The following MMS22L variants were observed in gnomAD, a reference collection of about 807,000 sequenced individuals.
MMS22L encodes the protein MMS22 like, DNA repair protein.
A neutral mutation model predicts 159.1 loss-of-function variants in MMS22L; 74 were observed. The ratio of observed to expected loss-of-function variants is 0.47; its 90% confidence interval spans 0.39 to 0.56. The LOEUF is 0.56. Ranked by LOEUF, MMS22L falls within the 20% of genes least tolerant of loss-of-function variation. The pLI, the probability that MMS22L is intolerant of heterozygous loss-of-function variation, is 0.00. For synonymous variants in MMS22L, 517 were observed against 506.9 expected (o/e 1.02, Z -0.27); for missense variants, 1,351 against 1,422.1 (o/e 0.95, Z 0.80).
chr6:97,185,615 AATCT>A lies in MMS22L; in HGVS notation c.2233+878_2233+881del, dbSNP rs565876656. On this transcript the variant is annotated intron_variant, in intron 15 of 24. Transcript: ENST00000683635. Reference sequence around the variant, plus strand: ...AATTGTTGTCCTGTCACAATTCTTTAATCTATCATCGTAAAGTCCTAATTATAGA... The same window carrying A: ...AATTGTTGTCCTGTCACAATTCTTTAATCATCGTAAAGTCCTAATTATAGA... 9.9e-5 allele frequency among the ~76,000 whole-genome samples: 15 copies of A among 152,244 alleles called. No homozygotes were observed. In the South Asian group the frequency reaches 2.7e-3, roughly 27 times the overall value.
intron 18 of MMS22L, among the ~76,000 whole-genome samples, chr6:97,176,689 T>C (rs943280442): frequency 6.6e-6 from 1 of 152,144 alleles, no homozygotes; most frequent in African/African-American, 2.4e-5. Context: ...ACTAAGGAAC[T>C]TCCCTGGCAG....
intron 10 of MMS22L, among the ~76,000 whole-genome samples, chr6:97,253,268 CATGGAT>C (rs1562509121): frequency 6.6e-6 from 1 of 152,072 alleles, no homozygotes; most frequent in Admixed American, 6.6e-5. Flanking sequence ...CCTCAGATTC[CATGGAT>C]GACTTCTCAA....
chr6:97,146,081 C>A lies in MMS22L; in HGVS notation c.*725G>T, dbSNP rs1417926974. 6.7e-6 allele frequency: 1 copy of A among 150,234 alleles called. No individual in the cohort carries two copies. Among genetic ancestry groups the A allele is most frequent in the Non-Finnish European group, 1.5e-5 (1 of 67,470 alleles). The allele number at this position is 150,234 out of a possible 1,614,324, so 9.3% of individuals were successfully genotyped here. A position where few individuals can be genotyped will look rare whatever the true frequency, so the allele number is the denominator to read the frequency against. On this transcript the variant is annotated 3_prime_UTR_variant, in exon 25 of 25. Coordinates refer to ENST00000683635, the MANE Select transcript of MMS22L (RefSeq NM_001350599.2). ...TCTCCTCTTAAAGTCTCCTTTATTT[C>A]CTCCTCCTGATATGATTTTTTTTTT...
At chr6:97,221,428 T>C (rs1173989319) in intron 14 of MMS22L, among the ~76,000 whole-genome samples, 1 of 152,048 alleles carries the variant, frequency 6.6e-6, no homozygotes, top group Admixed American at 6.6e-5. Context: ...ATATATTGAG[T>C]AGTTTATATT....
Position 97,272,996 on chromosome 6 carries a change from T to C in MMS22L, c.407A>G (p.Tyr136Cys). ...CTACCTGAAGATGAAAACTTTAACA[T>C]AATGGAGAAATAGTACACACTGCTG... ...IRQQCVLFLH[Y>C]VKVFIFRYLK... The change falls in exon 5 of 25, where the codon TAT becomes TGT. Residue 136 changes from tyrosine to cysteine, a missense_variant. By Grantham distance (194) the Tyr-to-Cys change is radical. Coordinates refer to ENST00000683635, the MANE Select transcript of MMS22L (RefSeq NM_001350599.2). 1 of 1,612,914 alleles carries C rather than the reference T, an allele frequency of 6.2e-7. No individual in the cohort carries two copies. The highest frequency in any genetic ancestry group is 8.5e-7 in the Non-Finnish European group (1 of 1,179,740).
upstream of MMS22L, chr6:97,283,632 A>T (rs977470458): frequency 6.6e-6 from 1 of 152,232 alleles, no homozygotes; most frequent in African/African-American, 2.4e-5. Flanking sequence ...TTTTCTCTGT[A>T]ACAGATGGAA....
intron 15 of MMS22L, among the ~76,000 whole-genome samples, chr6:97,183,735 T>C (rs570555172): frequency 6.6e-6 from 1 of 152,268 alleles, no homozygotes; most frequent in Admixed American, 6.5e-5. Flanking sequence ...TGCCTTCTCT[T>C]CTGCTACTAG....
chr6:97,245,496 T>A (rs1812521809), intron 11 of MMS22L, among the ~76,000 whole-genome samples: 1 of 152,048 alleles, frequency 6.6e-6, no homozygotes. Flanking sequence ...TTTTAGTAAT[T>A]CCCTTCATTC....
At chr6:97,210,514 T>C (rs1449029826) in intron 14 of MMS22L, among the ~76,000 whole-genome samples, 2 of 151,944 alleles carry the variant, frequency 1.3e-5, no homozygotes, top group Non-Finnish European at 2.9e-5. Context: ...TGAGAATAAA[T>C]ACATCTGTCC....
intron 9 of MMS22L, among the ~76,000 whole-genome samples, chr6:97,256,697 T>C (rs924664557): frequency 2.0e-5 from 3 of 152,184 alleles, no homozygotes; most frequent in African/African-American, 7.2e-5. Flanking sequence ...ACACCTGTAA[T>C]CATAACACTT....
chr6:97,168,116 T>C lies in MMS22L; in HGVS notation c.2964A>G (p.Ala988=). The change falls in exon 20 of 25, where the codon GCA becomes GCG. Residue 988 remains alanine (A), a synonymous_variant. Coordinates refer to ENST00000683635, the MANE Select transcript of MMS22L (RefSeq NM_001350599.2). ...TTTTCTGAATTGCTGACAACATAGGTGCAGGCAGTTCCTTCTCTTGCTGTA... is the reference window on the plus strand; with the variant it reads ...TTTTCTGAATTGCTGACAACATAGGCGCAGGCAGTTCCTTCTCTTGCTGTA... ...AVLQQEKELP[A]PMLSAIQKSL... 6.2e-7 allele frequency: 1 copy of C among 1,613,070 alleles called. No individual in the cohort carries two copies. The highest frequency in any genetic ancestry group is 8.5e-7 in the Non-Finnish European group (1 of 1,179,356).
At chr6:97,206,084 C>T (rs1346919443) in intron 14 of MMS22L, among the ~76,000 whole-genome samples, 1 of 152,052 alleles carries the variant, frequency 6.6e-6, no homozygotes, top group African/African-American at 2.4e-5. Context: ...CACTAACATG[C>T]AACAGGAGAC....
chr6:97,178,098 T>A (rs1463287987), intron 18 of MMS22L, among the ~76,000 whole-genome samples: 2 of 152,166 alleles, frequency 1.3e-5, no homozygotes, highest in Non-Finnish European at 2.9e-5. Context: ...TATCATGGAA[T>A]GTTTACAAGG....
intron 9 of MMS22L, among the ~76,000 whole-genome samples, chr6:97,256,290 TAAA>T (rs556304843): frequency 4.1e-4 from 62 of 152,276 alleles, no homozygotes; most frequent in South Asian, 1.0e-3. Context: ...ACAAGAACCT[TAAA>T]AGAGTAGCTC....
At chr6:97,273,991 G>A (rs942883181) in intron 4 of MMS22L, among the ~76,000 whole-genome samples, 24 of 152,226 alleles carry the variant, frequency 1.6e-4, no homozygotes, top group African/African-American at 5.5e-4. Context: ...ATAAAGCTCT[G>A]AACGACCTTT....
intron 8 of MMS22L, chr6:97,264,364 A>T (rs1457649684): frequency 6.6e-6 from 1 of 152,176 alleles, no homozygotes; most frequent in Non-Finnish European, 1.5e-5. Context: ...TAAATTATCT[A>T]CCTTTTTTTA....
At chr6:97,153,371 T>TA (rs1374867718) in intron 22 of MMS22L, among the ~76,000 whole-genome samples, 13 of 81,390 alleles carry the variant, frequency 1.6e-4, no homozygotes, top group African/African-American at 5.1e-4. Context: ...GATCTTTTTT[T>TA]TTTTTTTTTT....
chr6:97,172,996 T>G (rs777747083), intron 19 of MMS22L, 67 bp downstream of exon 19: 458 of 1,463,818 alleles, frequency 3.1e-4, no homozygotes, highest in Non-Finnish European at 4.0e-4. Context: ...TATATACCTA[T>G]CCATCATGAT....
chr6:97,202,035 G>T (rs184936220), intron 14 of MMS22L, among the ~76,000 whole-genome samples: 1 of 152,244 alleles, frequency 6.6e-6, no homozygotes, highest in African/African-American at 2.4e-5. Flanking sequence ...CATGTTCACT[G>T]CCAATTAGGA....
Sources: gnomAD v4.1 joint callset for allele counts (sites outside exome capture counted in the v4.1 genomes callset) on GRCh38, gnomAD v4.1.1 for gene constraint, MANE v1.5 for transcripts, NCBI Gene and HGNC (gene_info 2026-07-23, HGNC 2026-07-21) for gene names.